The following ECT2L variants were observed in gnomAD, a reference collection of about 807,000 sequenced individuals.
ECT2L encodes the protein epithelial cell transforming 2 like, also known as epithelial cell-transforming sequence 2 oncogene-like.
ECT2L carries 126 observed loss-of-function variants against 122.8 expected under a neutral mutation model. The ratio of observed to expected loss-of-function variants is 1.03; its 90% CI spans 0.89 to 1.19. The LOEUF (loss-of-function observed/expected upper bound fraction) is 1.19. ECT2L is among the 50% of genes most tolerant of loss of function. ECT2L has a pLI of 0.00. For missense variants in ECT2L, 1,012 were observed against 1,064.1 expected (o/e 0.95, Z 0.68); for synonymous variants, 385 against 381.8 (o/e 1.01, Z -0.10).
intron 13 of ECT2L, among the ~76,000 whole-genome samples, chr6:138,872,356 G>GA (rs1778286932): frequency 6.6e-6 from 1 of 152,214 alleles, no homozygotes; most frequent in Non-Finnish European, 1.5e-5. Flanking sequence ...GGACTAGACA[G>GA]CAAAGTAAGA....
rs922425065 is a variant in ECT2L at position 138,842,907 on chromosome 6, GT to G, written c.343-71del. On this transcript the variant is annotated intron_variant, in intron 5 of 21. Transcript: ENST00000541398. ...CTCAGTGTAATGAAAAAGTATCTGT[GT>G]ACCTGAAAATATTATTGCTAGAAAA... is the stretch of plus-strand genomic sequence containing the variant. 4 of 1,347,434 alleles carry G rather than the reference GT, an allele frequency of 3.0e-6. No individual in the cohort carries two copies. In the African/African-American group the frequency reaches 5.7e-5, roughly 19 times the overall value. 83.5% of individuals were successfully genotyped at this position (1,347,434 alleles called of 1,614,324 possible). A position where few individuals can be genotyped will look rare whatever the true frequency, so the allele number is the denominator to read the frequency against.
At chr6:138,822,675 C>T (rs1033801951) in intron 4 of ECT2L, 3 of 1,366,012 alleles carry the variant, frequency 2.2e-6, no homozygotes, top group Non-Finnish European at 3.0e-6. Flanking sequence ...AGGAACAGCT[C>T]CGGTCTACAG....
At chr6:138,885,610 C>A (rs575941977) in intron 17 of ECT2L, 31 bp downstream of exon 17, 1 of 1,613,734 alleles carries the variant, frequency 6.2e-7, no homozygotes, top group Non-Finnish European at 8.5e-7. Flanking sequence ...CAGCAGGGGT[C>A]CCCCCAGAGA....
chr6:138,829,158 A>G (rs1370055802), intron 4 of ECT2L, among the ~76,000 whole-genome samples: 1 of 151,848 alleles, frequency 6.6e-6, no homozygotes, highest in East Asian at 1.9e-4. Context: ...CACACCTGTT[A>G]GTTTCTAATA....
At position 138,862,720 on chromosome 6, in the gene ECT2L, G is replaced by GT; in HGVS notation, c.1291+2dup. On this transcript the variant is annotated splice_donor_variant, in intron 11 of 21. Transcript: ENST00000541398. LOFTEE classifies it high-confidence loss of function. ...ATTGCAACTGGCTCTTACCAGCACA[G>GT]TAAGTGTTATGGGAGCTGAGCGCCA... The GT allele has an allele frequency of 6.2e-7, 1 of 1,613,742 alleles. No homozygotes were observed. The highest frequency in any genetic ancestry group is 8.5e-7 in the Non-Finnish European group (1 of 1,179,680).
At chr6:138,798,516 A>G (rs559992439) in intron 1 of ECT2L, among the ~76,000 whole-genome samples, 1 of 152,182 alleles carries the variant, frequency 6.6e-6, no homozygotes. Context: ...TAGGAGCTGT[A>G]TGTCAGGAAC....
At chr6:138,848,352 AAAG>A (rs1365285667) in intron 8 of ECT2L, among the ~76,000 whole-genome samples, 6 of 152,338 alleles carry the variant, frequency 3.9e-5, no homozygotes, top group African/African-American at 1.4e-4. Flanking sequence ...CCATCTCAAA[AAAG>A]AAGAATGTCA....
intron 4 of ECT2L, among the ~76,000 whole-genome samples, chr6:138,835,936 G>T (rs1776819811): frequency 6.6e-6 from 1 of 152,288 alleles, no homozygotes; most frequent in African/African-American, 2.4e-5. Flanking sequence ...TGTCTCTTAT[G>T]ACTTGATACT....
chr6:138,902,509 A>G lies in ECT2L; in HGVS notation c.2597A>G (p.Asn866Ser), dbSNP rs756180933. The G allele has an allele frequency of 1.2e-6, 2 of 1,613,270 alleles. No homozygotes were observed. The highest frequency in any genetic ancestry group is 2.2e-5 in the South Asian group (2 of 90,892). ...TCAAATGCTTTTACAGATGTCAAGA[A>G]TGCATTTATTCTTCAGGGTCCAAAA... ...ENIPDSKYVK[N>S]AFILQGPKYK... Residue 866 changes from asparagine (N) to serine (S), a missense_variant, in exon 22 of 22, where the codon AAT (asparagine) becomes AGT (serine). By Grantham distance (46) the Asn-to-Ser change is conservative. Coordinates refer to ENST00000541398, the MANE Select transcript of ECT2L (RefSeq NM_001077706.3).
chr6:138,876,867 G>A (rs1358128342), intron 14 of ECT2L, among the ~76,000 whole-genome samples: 1 of 152,120 alleles, frequency 6.6e-6, no homozygotes, highest in Non-Finnish European at 1.5e-5. Flanking sequence ...CATGGACAAA[G>A]GCTCACAGTT....
Position 138,814,661 on chromosome 6 carries a change from T to C in ECT2L, c.179+58T>C, listed in dbSNP as rs574846217. ...ATTCTTAAAGAAAACCGTATATAAA[T>C]GTTTATATAACCTTTAAGAGATTTT... On this transcript the variant is annotated intron_variant, in intron 4 of 21. Transcript: ENST00000541398. 26 of 1,046,462 alleles carry C rather than the reference T, an allele frequency of 2.5e-5. 1 individual carries two copies. The South Asian group carries it at 3.7e-4, about 15-fold the overall frequency. 64.8% of individuals were successfully genotyped at this position (1,046,462 alleles called of 1,614,324 possible).
intron 10 of ECT2L, among the ~76,000 whole-genome samples, chr6:138,857,786 C>G (rs554009731): frequency 4.6e-5 from 7 of 152,314 alleles, no homozygotes; most frequent in African/African-American, 1.7e-4. Flanking sequence ...ACGCACTCTC[C>G]TCCCTAGGCA....
intron 4 of ECT2L, among the ~76,000 whole-genome samples, chr6:138,834,970 C>G (rs138839895): frequency 2.0e-5 from 3 of 151,372 alleles, no homozygotes; most frequent in East Asian, 3.9e-4. Flanking sequence ...TTCCTCACAA[C>G]GGCCTGCCAA....
intron 4 of ECT2L, among the ~76,000 whole-genome samples, chr6:138,815,058 C>T (rs770005458): frequency 6.6e-6 from 1 of 152,160 alleles, no homozygotes; most frequent in Non-Finnish European, 1.5e-5. Flanking sequence ...TCAAGGATTA[C>T]GAAGAGGGTT....
rs140643466 is a variant in ECT2L, at chr6:138,866,291, G to T, written c.1474+1113G>T. ...GCCTCCTGAGTAGCTGGGATTATAG[G>T]CATGCACCGCCATGCCTGGCCAATT... On this transcript the variant is annotated intron_variant, in intron 12 of 21. Transcript: ENST00000541398. Among the ~76,000 whole-genome samples the T allele has an allele frequency of 3.8e-3, 585 of 152,138 alleles. 2 individuals carry two copies. Among genetic ancestry groups the T allele is most frequent in the African/African-American group, 0.013 (551 of 41,486 alleles).
intron 20 of ECT2L, among the ~76,000 whole-genome samples, chr6:138,900,030 T>C (rs17053830): frequency 0.14 from 21,846 of 152,234 alleles, 1,851 homozygotes; most frequent in South Asian, 0.35. Context: ...CCTTGATAAA[T>C]ATGCCTACAG....
chr6:138,862,581 G>T, intron 10 of ECT2L, 46 bp from the exon 11 acceptor site: 2 of 1,557,726 alleles, frequency 1.3e-6, no homozygotes, highest in South Asian at 2.2e-5. Flanking sequence ...GATCTTCCAT[G>T]GCAAAATATA....
At chr6:138,873,811 CA>C (rs953098829) in intron 13 of ECT2L, among the ~76,000 whole-genome samples, 5 of 150,096 alleles carry the variant, frequency 3.3e-5, no homozygotes, top group Admixed American at 1.3e-4. Flanking sequence ...ATAAACAAAA[CA>C]AAAAAAACAA....
chr6:138,895,159 G>A (rs1286378027), intron 20 of ECT2L, among the ~76,000 whole-genome samples: 1 of 152,052 alleles, frequency 6.6e-6, no homozygotes, highest in African/African-American at 2.4e-5. Context: ...TACTTAGCCT[G>A]CAACCTTGTT....
Sources: gnomAD v4.1 joint callset for allele counts (sites outside exome capture counted in the v4.1 genomes callset) on GRCh38, gnomAD v4.1.1 for gene constraint, MANE v1.5 for transcripts, NCBI Gene and HGNC (gene_info 2026-07-23, HGNC 2026-07-21) for gene names.